Variants in ZNF429 observed in about 807,000 individuals in gnomAD.
The protein encoded by ZNF429 is zinc finger protein 429.
A neutral mutation model predicts 56.8 loss-of-function variants in ZNF429; 53 were observed. The ratio of observed to expected loss-of-function variants is 0.93; its 90% CI spans 0.75 to 1.17. The LOEUF (loss-of-function observed/expected upper bound fraction) is 1.17, where lower values mean the gene tolerates loss of function less well. Among genes scored for constraint, ZNF429 ranks in the 50% most tolerant of loss-of-function variants. The probability of loss-of-function intolerance (pLI) is 0.00; values close to 1 mark genes in which losing one functional copy is unlikely to be tolerated. For synonymous variants in ZNF429, 278 were observed against 264.7 expected (o/e 1.05, Z -0.49); for missense variants, 849 against 788.4 (o/e 1.08, Z -0.92).
intron 2 of ZNF429, among the ~76,000 whole-genome samples, chr19:21,530,014 AC>A: frequency 6.6e-6 from 1 of 152,030 alleles, no homozygotes; most frequent in Non-Finnish European, 1.5e-5. Flanking sequence ...ACACGGTGAA[AC>A]CCCGTCTCTA....
intron 1 of ZNF429, chr19:21,518,664 T>C (rs1432922321): frequency 6.6e-6 from 1 of 152,126 alleles, no homozygotes; most frequent in African/African-American, 2.4e-5. Context: ...GTGATTCTCC[T>C]GCCTCAGCCT....
intron 1 of ZNF429, chr19:21,521,307 T>C (rs2032978008): frequency 6.6e-6 from 1 of 152,232 alleles, no homozygotes. Context: ...CTCAGATACA[T>C]TCCACTATAT....
At position 21,529,746 on chromosome 19, in the gene ZNF429, A is replaced by G. The variant is rs756214260; in HGVS notation, c.92A>G (p.Asn31Ser). ...LDTAQQNLYR[N>S]VMLENYRNLV... is the part of the protein sequence containing the mutation. The stretch of plus-strand genomic sequence containing the variant: ...ACAGCACAACAGAACTTATATAGAA[A>G]TGTGATGTTAGAGAACTACAGAAAC... The change falls in exon 2 of 4, where the codon AAT (asparagine) becomes AGT (serine). Residue 31 changes from asparagine (N) to serine (S), a missense_variant. Physicochemically the swap from Asn to Ser is conservative, Grantham distance 46 (BLOSUM62 1). Transcript: ENST00000358491. 6.3e-7 allele frequency: 1 copy of G among 1,597,082 alleles called. No individual in the cohort carries two copies. The highest frequency in any genetic ancestry group is 8.5e-7 in the Non-Finnish European group (1 of 1,171,514).
At chr19:21,513,579 A>G (rs1482821530) in intron 1 of ZNF429, among the ~76,000 whole-genome samples, 1 of 152,186 alleles carries the variant, frequency 6.6e-6, no homozygotes, top group East Asian at 1.9e-4. Context: ...AATGTTAGAC[A>G]TTGAGTTGCT....
At chr19:21,516,751 G>A (rs2032760901) in intron 1 of ZNF429, among the ~76,000 whole-genome samples, 1 of 152,160 alleles carries the variant, frequency 6.6e-6, no homozygotes, top group African/African-American at 2.4e-5. Context: ...CTCAGATATT[G>A]TGGATGTGCA....
intron 3 of ZNF429, among the ~76,000 whole-genome samples, chr19:21,535,500 TTTCTTTC>T: frequency 4.1e-5 from 5 of 122,514 alleles, no homozygotes; most frequent in African/African-American, 1.4e-4. Context: ...TTCTTTCTTC[TTTCTTTC>T]TTTCTTTCCT....
In ZNF429 at chr19:21,537,461, A is replaced by G; in HGVS notation, c.1408A>G (p.Ser470Gly). The change falls in exon 4 of 4, where the codon AGC becomes GGC. Residue 470 changes from serine (S) to glycine (G), a missense_variant. Physicochemically the swap from Ser to Gly is moderately conservative, Grantham distance 56. Transcript: ENST00000358491. ...TTTTAACCGGTCCTCACACCTTACT[A>G]GCCATAGGAGAATTCATACTGGAGA... ...KAFNRSSHLT[S>G]HRRIHTGEKP... 1 of 1,613,004 alleles carries G rather than the reference A, an allele frequency of 6.2e-7. No individual in the cohort carries two copies. Among genetic ancestry groups the G allele is most frequent in the Non-Finnish European group, 8.5e-7 (1 of 1,179,730 alleles).
intron 1 of ZNF429, among the ~76,000 whole-genome samples, chr19:21,506,579 C>T (rs1399033753): frequency 6.6e-6 from 1 of 151,820 alleles, no homozygotes; most frequent in South Asian, 2.1e-4. Flanking sequence ...AAAGACTTTG[C>T]GCATGGTACA....
In ZNF429 at chr19:21,529,698, T is replaced by C; in HGVS notation, c.44T>C (p.Leu15Pro). 1 of 1,601,040 alleles carries C rather than the reference T, an allele frequency of 6.2e-7. No individual in the cohort carries two copies. Among genetic ancestry groups the C allele is most frequent in the East Asian group, 2.3e-5 (1 of 44,352 alleles). Reference protein sequence around the residue: ...TFTDVAIEFSLEEWQCLDTAQ... With the variant: ...TFTDVAIEFSPEEWQCLDTAQ... The stretch of plus-strand genomic sequence containing the variant: ...ACAGATGTGGCCATAGAATTCTCTC[T>C]GGAGGAGTGGCAGTGCCTGGACACA... The change falls in exon 2 of 4, where the codon CTG becomes CCG. Residue 15 changes from leucine (L) to proline (P), a missense_variant. Physicochemically the swap from Leu to Pro is moderately conservative, Grantham distance 98. Coordinates refer to ENST00000358491, the MANE Select transcript of ZNF429 (RefSeq NM_001001415.4).
In ZNF429 at chr19:21,537,883, A is replaced by G. The variant is rs1302490743; in HGVS notation, c.1830A>G (p.Gln610=). Residue 610 remains glutamine, a synonymous_variant, in exon 4 of 4, where the codon CAA becomes CAG. Transcript: ENST00000358491. ...KAFNRSSRLT[Q]HKKIHTREKP... is the part of the protein sequence containing the mutation. ...TTAATCGGTCCTCAAGACTTACTCA[A>G]CATAAGAAAATTCATACTAGAGAGA... The G allele has an allele frequency of 6.8e-6, 11 of 1,613,886 alleles. No individual in the cohort carries two copies. The highest frequency in any genetic ancestry group is 2.7e-5 in the African/African-American group (2 of 74,888).
In ZNF429 at chr19:21,514,163, C is replaced by T. The variant is rs184754950; in HGVS notation, c.3+8389C>T. The stretch of plus-strand genomic sequence containing the variant: ...AACCAGTCTTTTCACCTACATAGTA[C>T]TCTCCCCCAACTAATGAAGTTTTTT... On this transcript the variant is annotated intron_variant, in intron 1 of 3. Coordinates refer to ENST00000358491, the MANE Select transcript of ZNF429 (RefSeq NM_001001415.4). 1.2e-4 allele frequency among the ~76,000 whole-genome samples: 18 copies of T among 152,306 alleles called. No individual in the cohort carries two copies. The East Asian group carries it at 3.5e-3, about 29-fold the overall frequency.
At chr19:21,516,237 A>G (rs1414006934) in intron 1 of ZNF429, among the ~76,000 whole-genome samples, 2 of 151,452 alleles carry the variant, frequency 1.3e-5, no homozygotes, top group African/African-American at 4.9e-5. Flanking sequence ...CTCTGCTATC[A>G]TCATCATTAT....
chr19:21,530,845 C>G, intron 3 of ZNF429, among the ~76,000 whole-genome samples, 161 bp downstream of exon 3: 1 of 152,078 alleles, frequency 6.6e-6, no homozygotes. Flanking sequence ...GTGGTTCACA[C>G]GTGTAATCCC....
intron 1 of ZNF429, among the ~76,000 whole-genome samples, chr19:21,520,354 TAA>T (rs1161849890): frequency 6.6e-6 from 1 of 152,176 alleles, no homozygotes; most frequent in Non-Finnish European, 1.5e-5. Context: ...AAATTAGAAA[TAA>T]GAGGCTTTAT....
At chr19:21,530,221 G>A in intron 2 of ZNF429, among the ~76,000 whole-genome samples, 3 of 149,790 alleles carry the variant, frequency 2.0e-5, no homozygotes, top group South Asian at 2.1e-4. Context: ...TTGGGGATTT[G>A]TTCATGTAGA....
Position 21,537,863 on chromosome 19 carries a change from C to T in ZNF429, c.1810C>T (p.Arg604Trp), listed in dbSNP as rs774041767. 34 of 1,613,934 alleles carry T rather than the reference C, an allele frequency of 2.1e-5. No individual in the cohort carries two copies. Among genetic ancestry groups the T allele is most frequent in the East Asian group, 1.3e-4 (6 of 44,884 alleles). The change falls in exon 4 of 4, where the codon CGG becomes TGG. Residue 604 changes from arginine to tryptophan, a missense_variant. Transcript: ENST00000358491. ...TGAAGAATGTGGCAAAGCTTTTAATCGGTCCTCAAGACTTACTCAACATAA... is the reference window on the plus strand; with the variant it reads ...TGAAGAATGTGGCAAAGCTTTTAATTGGTCCTCAAGACTTACTCAACATAA... Reference protein sequence around the residue: ...KCEECGKAFNRSSRLTQHKKI... With the variant: ...KCEECGKAFNWSSRLTQHKKI...
At chr19:21,511,840 T>C (rs2032493647) in intron 1 of ZNF429, among the ~76,000 whole-genome samples, 2 of 152,140 alleles carry the variant, frequency 1.3e-5, no homozygotes, top group African/African-American at 2.4e-5. Flanking sequence ...CTTGGGAGGC[T>C]GAGGCTGGCG....
At chr19:21,511,682 G>A (rs542653943) in intron 1 of ZNF429, among the ~76,000 whole-genome samples, 1 of 151,776 alleles carries the variant, frequency 6.6e-6, no homozygotes, top group South Asian at 2.1e-4. Flanking sequence ...GGTGGCGGCC[G>A]GGCAGAGGCT....
At chr19:21,532,793 G>T in intron 3 of ZNF429, among the ~76,000 whole-genome samples, 1 of 151,708 alleles carries the variant, frequency 6.6e-6, no homozygotes, top group South Asian at 2.1e-4. Flanking sequence ...CGGCCTCCCG[G>T]GTTCAAGCGA....
Sources: gnomAD v4.1 joint callset for allele counts (sites outside exome capture counted in the v4.1 genomes callset) on GRCh38, gnomAD v4.1.1 for gene constraint, MANE v1.5 for transcripts, NCBI Gene and HGNC (gene_info 2026-07-23, HGNC 2026-07-21) for gene names.